The following USP39 variants were observed in gnomAD, a reference collection of about 807,000 sequenced individuals.
USP39 encodes the protein ubiquitin carboxyl-terminal hydrolase 39.
A neutral mutation model predicts 66.4 loss-of-function variants in USP39; 38 were observed. The ratio of observed to expected loss-of-function variants is 0.57; its 90% CI spans 0.44 to 0.75. The LOEUF (loss-of-function observed/expected upper bound fraction) is 0.75, where lower values mean the gene tolerates loss of function less well. Among genes scored for constraint, USP39 ranks in the 30% least tolerant of loss-of-function variants. USP39 has a pLI of 0.00. For synonymous variants in USP39, 303 were observed against 274.6 expected (o/e 1.10, Z -1.02); for missense variants, 608 against 714.4 (o/e 0.85, Z 1.70).
upstream of USP39, chr2:85,607,366 A>C (rs545860100): frequency 3.3e-5 from 5 of 152,178 alleles, no homozygotes; most frequent in South Asian, 1.0e-3. Flanking sequence ...GTCAAAAGGC[A>C]CTTCTAGCCC....
In USP39 at chr2:85,640,901, A is replaced by G. The variant is rs1053779927; in HGVS notation, c.1285-75A>G. The stretch of plus-strand genomic sequence containing the variant: ...CAAAATTATATTTTAAAAAATCGAA[A>G]TGAAAAACTCATGCCCCTGCTCTAA... On this transcript the variant is annotated intron_variant, in intron 9 of 12. Coordinates refer to ENST00000323701, the MANE Select transcript of USP39 (RefSeq NM_006590.4). The G allele has an allele frequency of 2.5e-5, 36 of 1,419,588 alleles. No homozygotes were observed. The African/African-American group carries it at 4.6e-4, about 18-fold the overall frequency. The allele number at this position is 1,419,588 out of a possible 1,614,324, so 87.9% of individuals were successfully genotyped here.
At chr2:85,604,543 A>G (rs1673147756) in intron 1 of USP39, among the ~76,000 whole-genome samples, 2 of 152,208 alleles carry the variant, frequency 1.3e-5, no homozygotes, top group Non-Finnish European at 2.9e-5. Flanking sequence ...CATTAGGACA[A>G]GTAGTTAAAA....
intron 9 of USP39, among the ~76,000 whole-genome samples, chr2:85,640,382 G>A (rs1442995721): frequency 2.6e-5 from 4 of 151,200 alleles, no homozygotes; most frequent in Admixed American, 6.6e-5. Flanking sequence ...TCCACCTCCC[G>A]GGTTCAAGCG....
At chr2:85,620,181 A>G (rs1674350717) in intron 2 of USP39, among the ~76,000 whole-genome samples, 1 of 151,480 alleles carries the variant, frequency 6.6e-6, no homozygotes, top group Admixed American at 6.6e-5. Context: ...TTTTAAAAAA[A>G]CTTAAAAAAA....
upstream of USP39, among the ~76,000 whole-genome samples, chr2:85,613,894 C>T (rs1349162775): frequency 6.6e-6 from 1 of 152,116 alleles, no homozygotes; most frequent in East Asian, 1.9e-4. Flanking sequence ...CCTCCTGCCT[C>T]AGCCTCCTGA....
intron 6 of USP39, among the ~76,000 whole-genome samples, chr2:85,634,576 G>A (rs906071943): frequency 6.6e-6 from 1 of 152,024 alleles, no homozygotes; most frequent in Non-Finnish European, 1.5e-5. Flanking sequence ...GCTGTGTCGC[G>A]AAGAAAAAAT....
intron 6 of USP39, among the ~76,000 whole-genome samples, chr2:85,633,901 G>C (rs1573429646): frequency 1.4e-5 from 2 of 140,892 alleles, no homozygotes; most frequent in Non-Finnish European, 3.0e-5. Flanking sequence ...GCAGTGGCGG[G>C]ATCTCGGCTC....
chr2:85,614,620 TTA>T (rs1345238281), upstream of USP39, among the ~76,000 whole-genome samples: 1 of 152,196 alleles, frequency 6.6e-6, no homozygotes. Context: ...CAATGCTTGT[TTA>T]TATATAGGAT....
At chr2:85,622,425 A>AT (rs944777534) in intron 3 of USP39, among the ~76,000 whole-genome samples, 10 of 151,770 alleles carry the variant, frequency 6.6e-5, no homozygotes, top group African/African-American at 2.4e-4. Flanking sequence ...GCACGGCCAC[A>AT]TTTTTTTAAA....
In USP39 at chr2:85,639,401, T is replaced by G. The variant is rs1317298403; in HGVS notation, c.1284+10T>G. ...TGGCATCACTGAGAAGGTAGCCCAT[T>G]AACACACCTGCCCTGCCTATACTTA... On this transcript the variant is annotated intron_variant, in intron 9 of 12. Transcript: ENST00000323701. 1 of 1,611,722 alleles carries G rather than the reference T, an allele frequency of 6.2e-7. No homozygotes were observed. The highest frequency in any genetic ancestry group is 1.3e-5 in the African/African-American group (1 of 74,778).
chr2:85,623,767 A>G lies in USP39; in HGVS notation c.555A>G (p.Ser185=), dbSNP rs972136368. ...ACAACTATGAGATCATCGATTCCTCATTGGAGGATATCACGGTGTGTGTCT... is the reference window on the plus strand; with the variant it reads ...ACAACTATGAGATCATCGATTCCTCGTTGGAGGATATCACGGTGTGTGTCT... ...LPDNYEIIDS[S]LEDITYVLKP... Residue 185 remains serine, a synonymous_variant, in exon 4 of 13, where the codon TCA becomes TCG. Transcript: ENST00000323701. The G allele has an allele frequency of 1.5e-5, 24 of 1,612,404 alleles. No homozygotes were observed. The highest frequency in any genetic ancestry group is 2.0e-5 in the Non-Finnish European group (24 of 1,179,386).
chr2:85,620,422 T>G (rs1674372187), intron 2 of USP39, among the ~76,000 whole-genome samples: 1 of 150,734 alleles, frequency 6.6e-6, no homozygotes, highest in Non-Finnish European at 1.5e-5. Context: ...GAGGCTGCAG[T>G]GAGCTGAGAT....
chr2:85,625,801 C>A, intron 5 of USP39, 110 bp downstream of exon 5: 2 of 1,398,872 alleles, frequency 1.4e-6, no homozygotes, highest in Non-Finnish European at 1.9e-6. Flanking sequence ...GGCGGATTGC[C>A]TGAGGTCAAG....
chr2:85,636,630 AGGGTAGCT>A (rs1376051950), intron 7 of USP39, among the ~76,000 whole-genome samples: 1 of 151,946 alleles, frequency 6.6e-6, no homozygotes, highest in African/African-American at 2.4e-5. Flanking sequence ...CAGTCTCCCA[AGGGTAGCT>A]GGGATTACAG....
chr2:85,623,382 C>A (rs60801683), intron 3 of USP39, among the ~76,000 whole-genome samples: 11,339 of 149,312 alleles, frequency 0.076, 1,437 homozygotes, highest in African/African-American at 0.26. Context: ...ATATATTTTA[C>A]ATATATATTA....
chr2:85,648,750 A>G lies in USP39; in HGVS notation c.1651-11A>G, dbSNP rs1676835157. On this transcript the variant is annotated splice_polypyrimidine_tract_variant and intron_variant, in intron 12 of 12. Coordinates refer to ENST00000323701, the MANE Select transcript of USP39 (RefSeq NM_006590.4). Reference sequence around the variant, plus strand: ...CTCCTAGACTTCAGTTTGTGTTTTCATTTCTTACAGATTTGGAAGAGGCGA... The same window carrying G: ...CTCCTAGACTTCAGTTTGTGTTTTCGTTTCTTACAGATTTGGAAGAGGCGA... 6.2e-7 allele frequency: 1 copy of G among 1,613,978 alleles called. No homozygotes were observed. Among genetic ancestry groups the G allele is most frequent in the Non-Finnish European group, 8.5e-7 (1 of 1,179,902 alleles).
chr2:85,607,885 G>A (rs995821838), upstream of USP39: 10 of 152,370 alleles, frequency 6.6e-5, no homozygotes, highest in Admixed American at 6.5e-4. Flanking sequence ...CCGGGTTAGA[G>A]CAGTGGTATT....
chr2:85,608,239 T>C (rs1173933623), upstream of USP39: 1 of 152,106 alleles, frequency 6.6e-6, no homozygotes, highest in Non-Finnish European at 1.5e-5. Flanking sequence ...TGCAAAGCAG[T>C]GGAACATGCG....
intron 9 of USP39, among the ~76,000 whole-genome samples, chr2:85,640,085 C>A (rs967344102): frequency 3.9e-5 from 6 of 151,946 alleles, no homozygotes; most frequent in Non-Finnish European, 8.8e-5. Context: ...TTGCCCAGGC[C>A]ATTCTTTAAC....
Sources: gnomAD v4.1 joint callset for allele counts (sites outside exome capture counted in the v4.1 genomes callset) on GRCh38, gnomAD v4.1.1 for gene constraint, MANE v1.5 for transcripts, NCBI Gene and HGNC (gene_info 2026-07-23, HGNC 2026-07-21) for gene names.